The following NSD1 variants were observed in gnomAD, a reference collection of about 807,000 sequenced individuals.
NSD1 encodes the protein histone-lysine N-methyltransferase, H3 lysine-36 specific.
In NSD1, 26 loss-of-function variants were observed where a neutral mutation model predicts 242.7. That is an observed-to-expected ratio of 0.11 (90% CI 0.08 to 0.15). NSD1 has a LOEUF of 0.15. NSD1 is among the 10% of genes least tolerant of loss of function. NSD1 has a pLI of 1.00. For synonymous variants in NSD1, 1,106 were observed against 1,178.1 expected (o/e 0.94, Z 1.25); for missense variants, 2,495 against 3,272.8 (o/e 0.76, Z 5.80).
chr5:177,286,931 A>G (rs544692325), intron 20 of NSD1, among the ~76,000 whole-genome samples: 24 of 152,192 alleles, frequency 1.6e-4, no homozygotes, highest in Non-Finnish European at 3.4e-4. Context: ...GGATGGGGAA[A>G]ATGAGACAGG....
At position 177,276,626 on chromosome 5, in the gene NSD1, G is replaced by GT. The variant is rs199976074; in HGVS notation, c.5622+2850dup. 3.5e-3 allele frequency among the ~76,000 whole-genome samples: 534 copies of GT among 151,756 alleles called. 4 individuals carry two copies. The highest frequency in any genetic ancestry group is 0.012 in the African/African-American group (511 of 41,398). On this transcript the variant is annotated intron_variant, in intron 17 of 22. Coordinates refer to ENST00000439151, the MANE Select transcript of NSD1 (RefSeq NM_022455.5). ...ACGGTGAGCCACTGTGCCAGGCCCA[G>GT]TTTTTTTTGCTTTTTTCTCCCCCCC... is the stretch of plus-strand genomic sequence containing the variant.
chr5:177,150,618 T>C (rs1257610651), intron 2 of NSD1, among the ~76,000 whole-genome samples: 1 of 152,196 alleles, frequency 6.6e-6, no homozygotes, highest in Non-Finnish European at 1.5e-5. Context: ...AATGCTCTTC[T>C]AGCAATTGCT....
At chr5:177,222,614 T>G (rs948907755) in intron 5 of NSD1, among the ~76,000 whole-genome samples, 1 of 152,230 alleles carries the variant, frequency 6.6e-6, no homozygotes, top group Non-Finnish European at 1.5e-5. Context: ...TATTTTCATA[T>G]ACTTTTGGGT....
intron 8 of NSD1, 135 bp from the exon 9 acceptor site, chr5:177,244,060 G>T: frequency 1.4e-6 from 1 of 708,708 alleles, no homozygotes; most frequent in Admixed American, 2.1e-5. Flanking sequence ...ACTGTGGTCA[G>T]GTTGATTTCT....
chr5:177,282,971 TGAGACA>T (rs1335558915), intron 19 of NSD1, among the ~76,000 whole-genome samples: 1 of 152,248 alleles, frequency 6.6e-6, no homozygotes, highest in Non-Finnish European at 1.5e-5. Context: ...AAAATTATTT[TGAGACA>T]GAGTCTCGTT....
Position 177,210,480 on chromosome 5 carries a change from C to T in NSD1, c.2081C>T (p.Thr694Ile), listed in dbSNP as rs1044968110. 1.2e-6 allele frequency: 2 copies of T among 1,614,078 alleles called. No individual in the cohort carries two copies. Among genetic ancestry groups the T allele is most frequent in the Admixed American group, 3.3e-5 (2 of 60,008 alleles). Residue 694 changes from threonine to isoleucine, a missense_variant, in exon 5 of 23, where the codon ACT becomes ATT. By Grantham distance (89) the Thr-to-Ile change is moderately conservative (BLOSUM62 -1). Around this residue, in one of 19 missense-constraint regions of NSD1, gnomAD observed 515 missense variants for 467.0 expected, o/e 1.10. Transcript: ENST00000439151. ...TATTCTAGGTTTGCTGCCACAAACA[C>T]TAGGGTAAAAGCAAAACAGAAGCCT... is the stretch of plus-strand genomic sequence containing the variant. ...IKYSRFAATN[T>I]RVKAKQKPLI... is the part of the protein sequence containing the mutation.
chr5:177,254,477 G>A (rs1166980741), intron 12 of NSD1, among the ~76,000 whole-genome samples: 1 of 151,964 alleles, frequency 6.6e-6, no homozygotes. Context: ...TCAGCTAACT[G>A]CAACCTCCAC....
chr5:177,294,359 G>T lies in NSD1; in HGVS notation c.6991G>T (p.Asp2331Tyr), dbSNP rs772981865. 6.2e-7 allele frequency: 1 copy of T among 1,614,056 alleles called. No homozygotes were observed. The highest frequency in any genetic ancestry group is 2.2e-5 in the East Asian group (1 of 44,892). Reference protein sequence around the residue: ...AVAGPRPQLSDKPSPVTSPSS... With the variant: ...AVAGPRPQLSYKPSPVTSPSS... Reference sequence around the variant, plus strand: ...GGCAGGACCAAGACCCCAGCTAAGCGACAAACCCTCTCCAGTGACCAGCCC... The same window carrying T: ...GGCAGGACCAAGACCCCAGCTAAGCTACAAACCCTCTCCAGTGACCAGCCC... The change falls in exon 23 of 23, where the codon GAC becomes TAC. Residue 2331 changes from aspartate (D) to tyrosine (Y), a missense_variant. Asp to Tyr is a radical substitution (Grantham distance 160, BLOSUM62 -3). Coordinates refer to ENST00000439151, the MANE Select transcript of NSD1 (RefSeq NM_022455.5).
chr5:177,173,215 C>T (rs1471049052), intron 2 of NSD1, among the ~76,000 whole-genome samples: 1 of 149,550 alleles, frequency 6.7e-6, no homozygotes, highest in African/African-American at 2.5e-5. Flanking sequence ...TGGCGTGAAC[C>T]CGGGAGGCGG....
At chr5:177,143,865 A>G (rs924722524) in intron 2 of NSD1, among the ~76,000 whole-genome samples, 1 of 147,184 alleles carries the variant, frequency 6.8e-6, no homozygotes. Flanking sequence ...GCTCACTGCA[A>G]CCTCCACCTC....
chr5:177,151,135 T>G (rs1223327428), intron 2 of NSD1, among the ~76,000 whole-genome samples: 4 of 152,182 alleles, frequency 2.6e-5, no homozygotes, highest in Non-Finnish European at 5.9e-5. Flanking sequence ...CCCAGCACTT[T>G]GGGAGGCCTA....
intron 16 of NSD1, among the ~76,000 whole-genome samples, chr5:177,272,108 G>A (rs1017416473): frequency 6.6e-6 from 1 of 151,888 alleles, no homozygotes; most frequent in African/African-American, 2.4e-5. Flanking sequence ...GCGAGACTCT[G>A]TGTGTCCACC....
chr5:177,185,466 C>T (rs1761028835), intron 2 of NSD1, among the ~76,000 whole-genome samples: 1 of 151,060 alleles, frequency 6.6e-6, no homozygotes, highest in South Asian at 2.1e-4. Flanking sequence ...GGCATGGTGG[C>T]AGGCGCCTGT....
chr5:177,163,882 T>C (rs1463987956), intron 2 of NSD1, among the ~76,000 whole-genome samples: 1 of 152,192 alleles, frequency 6.6e-6, no homozygotes, highest in African/African-American at 2.4e-5. Flanking sequence ...GCATTTACTT[T>C]CTGTTAGGCT....
At chr5:177,267,450 T>C (rs1260314894) in intron 14 of NSD1, 112 bp from the exon 15 acceptor site, 2 of 884,138 alleles carry the variant, frequency 2.3e-6, no homozygotes, top group East Asian at 2.6e-5. Flanking sequence ...TGTTTTTATT[T>C]AGTATATCTT....
At chr5:177,256,171 G>A (rs1295135897) in intron 12 of NSD1, among the ~76,000 whole-genome samples, 1 of 151,128 alleles carries the variant, frequency 6.6e-6, no homozygotes, top group African/African-American at 2.4e-5. Context: ...TGTAGGTTTT[G>A]TTAGGGAGAT....
At chr5:177,136,751 G>C in intron 2 of NSD1, 1 of 525,814 alleles carries the variant, frequency 1.9e-6, no homozygotes. Context: ...CCATCACCAC[G>C]CCCGGCTAAT....
intron 2 of NSD1, among the ~76,000 whole-genome samples, chr5:177,150,688 A>G (rs183228869): frequency 6.6e-6 from 1 of 152,322 alleles, no homozygotes; most frequent in Admixed American, 6.5e-5. Flanking sequence ...GATTAAATTA[A>G]AAGTAATTAC....
At chr5:177,265,840 C>G (rs1757390518) in intron 14 of NSD1, 4 of 1,405,362 alleles carry the variant, frequency 2.8e-6, no homozygotes, top group Non-Finnish European at 4.0e-6. Context: ...AGTAGGCCAC[C>G]TGGGTGTGCA....
Sources: allele counts gnomAD v4.1 joint callset (sites outside exome capture counted in the v4.1 genomes callset), GRCh38; gene constraint gnomAD v4.1.1; regional missense constraint gnomAD v4.1.1; transcripts MANE v1.5; gene names NCBI Gene and HGNC (gene_info 2026-07-23, HGNC 2026-07-21).